Variants in PGR observed in about 807,000 individuals in gnomAD.
The protein encoded by PGR is nuclear receptor subfamily 3 group C member 3.
PGR carries 25 observed loss-of-function variants against 76.1 expected under a neutral mutation model. That is an observed-to-expected ratio of 0.33 (90% CI 0.24 to 0.46). PGR has a LOEUF of 0.46. Ranked by LOEUF, PGR falls within the 20% of genes least tolerant of loss-of-function variation. The pLI is 1.00. For synonymous variants in PGR, 579 were observed against 535.0 expected (o/e 1.08, Z -1.14); for missense variants, 1,172 against 1,225.3 (o/e 0.96, Z 0.65).
At chr11:101,100,919 T>A (rs1861978302) in intron 2 of PGR, among the ~76,000 whole-genome samples, 1 of 152,090 alleles carries the variant, frequency 6.6e-6, no homozygotes, top group Non-Finnish European at 1.5e-5. Flanking sequence ...AAACTCATGA[T>A]CCCCTTACTT....
chr11:101,061,022 G>C (rs571331970), intron 4 of PGR, among the ~76,000 whole-genome samples: 1 of 152,122 alleles, frequency 6.6e-6, no homozygotes, highest in African/African-American at 2.4e-5. Flanking sequence ...AAATAGTAAA[G>C]AACCTCCAAA....
At chr11:101,053,850 T>A (rs1204357220) in intron 4 of PGR, among the ~76,000 whole-genome samples, 1 of 151,884 alleles carries the variant, frequency 6.6e-6, no homozygotes, top group Admixed American at 6.6e-5. Context: ...GTGGGCAGAG[T>A]TCCCCATTGG....
intron 2 of PGR, among the ~76,000 whole-genome samples, chr11:101,117,388 A>G (rs1862544413): frequency 6.6e-6 from 1 of 152,088 alleles, no homozygotes; most frequent in Non-Finnish European, 1.5e-5. Flanking sequence ...GTATATGGGT[A>G]ATAATTTCCT....
rs779446565 is a variant in PGR, at chr11:101,128,080, C to T, written c.991G>A (p.Gly331Ser). The T allele has an allele frequency of 4.4e-6, 7 of 1,600,260 alleles. No individual in the cohort carries two copies. The highest frequency in any genetic ancestry group is 1.1e-5 in the South Asian group (1 of 91,072). ...AAGGCGCTGGCAGCCCCGGCCCCGC[C>T]GTCGTAACTTTCGTCTTCCAGCAGC... ...RQLLEDESYDGGAGAASAFAP... is the reference protein window; with the variant it reads ...RQLLEDESYDSGAGAASAFAP... Residue 331 changes from glycine to serine, a missense_variant, in exon 1 of 8, where the codon GGC (glycine) becomes AGC (serine). By Grantham distance (56) the Gly-to-Ser change is moderately conservative. Around this residue, in one of 4 missense-constraint regions of PGR, gnomAD observed 893 missense variants for 785.9 expected, o/e 1.14. Coordinates refer to ENST00000325455, the MANE Select transcript of PGR (RefSeq NM_000926.4).
chr11:101,110,118 G>T (rs1029604381), intron 2 of PGR, among the ~76,000 whole-genome samples: 6 of 152,210 alleles, frequency 3.9e-5, no homozygotes, highest in African/African-American at 1.4e-4. Context: ...TGTACAAGAA[G>T]GTTAATGTAT....
intron 6 of PGR, among the ~76,000 whole-genome samples, chr11:101,042,319 T>C (rs182479004): frequency 6.6e-6 from 1 of 152,156 alleles, no homozygotes; most frequent in Non-Finnish European, 1.5e-5. Context: ...TTAATAGGTA[T>C]ATTAAAGAAC....
chr11:101,070,253 C>T (rs1860880518), intron 3 of PGR, among the ~76,000 whole-genome samples: 1 of 152,134 alleles, frequency 6.6e-6, no homozygotes. Context: ...CCAAGGGAAG[C>T]CGTGAGTGAC....
chr11:101,112,067 G>T (rs911222824), intron 2 of PGR, among the ~76,000 whole-genome samples: 22 of 152,322 alleles, frequency 1.4e-4, no homozygotes, highest in African/African-American at 4.8e-4. Flanking sequence ...CTACCAATGA[G>T]TCAAGTAACA....
chr11:101,082,081 C>T (rs978307477), intron 3 of PGR, among the ~76,000 whole-genome samples: 6 of 152,074 alleles, frequency 3.9e-5, no homozygotes, highest in Non-Finnish European at 8.8e-5. Flanking sequence ...TGAGTGAGCT[C>T]TCAGGAGATA....
chr11:101,068,657 T>C (rs1860809019), intron 3 of PGR, among the ~76,000 whole-genome samples: 1 of 152,084 alleles, frequency 6.6e-6, no homozygotes, highest in African/African-American at 2.4e-5. Context: ...ATGGTACTGG[T>C]ACCCAAACAG....
At chr11:101,074,785 C>T (rs529650935) in intron 3 of PGR, among the ~76,000 whole-genome samples, 2 of 152,072 alleles carry the variant, frequency 1.3e-5, no homozygotes, top group Admixed American at 6.6e-5. Flanking sequence ...GTGAAGGACC[C>T]CTTCAAGGAG....
Position 101,042,004 on chromosome 11 carries a change from C to A in PGR, c.2587G>T (p.Val863Phe). 6.2e-7 allele frequency: 1 copy of A among 1,613,650 alleles called. No homozygotes were observed. The highest frequency in any genetic ancestry group is 8.5e-7 in the Non-Finnish European group (1 of 1,179,704). ...TAGAAACGCTGTGAGCTCGACACAA[C>A]TCCTTTTTGCCTCAAACCAATTGCC... Reference protein sequence around the residue: ...IKAIGLRQKGVVSSSQRFYQL... With the variant: ...IKAIGLRQKGFVSSSQRFYQL... The change falls in exon 7 of 8, where the codon GTT (valine) becomes TTT (phenylalanine). Residue 863 changes from valine (V) to phenylalanine (F), a missense_variant. By Grantham distance (50) the Val-to-Phe change is conservative. This residue lies in a region of PGR where 166 missense variants were observed against 296.0 expected (regional missense o/e 0.56). Transcript: ENST00000325455.
Position 101,126,108 on chromosome 11 carries a change from G to C in PGR, c.1688C>G (p.Pro563Arg), listed in dbSNP as rs750816206. 1 of 1,613,896 alleles carries C rather than the reference G, an allele frequency of 6.2e-7. No homozygotes were observed. Among genetic ancestry groups the C allele is most frequent in the East Asian group, 2.2e-5 (1 of 44,888 alleles). Residue 563 changes from proline (P) to arginine (R), a missense_variant, in exon 2 of 8, where the codon CCT becomes CGT. Transcript: ENST00000325455. ...QSPQYSFESLPQKICLICGDE... is the reference protein window; with the variant it reads ...QSPQYSFESLRQKICLICGDE... The stretch of plus-strand genomic sequence containing the variant: ...CCCACAGATTAAACAAATCTTCTGA[G>C]GTAATGACTCGAAGCTGTATTGTGG...
At chr11:101,066,768 C>T (rs1444431414) in intron 3 of PGR, among the ~76,000 whole-genome samples, 1 of 152,164 alleles carries the variant, frequency 6.6e-6, no homozygotes, top group Non-Finnish European at 1.5e-5. Context: ...ATTTTCTCAC[C>T]TCATATCTAA....
At chr11:101,103,005 T>A (rs922427018) in intron 2 of PGR, among the ~76,000 whole-genome samples, 1 of 151,796 alleles carries the variant, frequency 6.6e-6, no homozygotes, top group African/African-American at 2.4e-5. Context: ...GCTATGAGAA[T>A]CTAATGCCAC....
intron 3 of PGR, among the ~76,000 whole-genome samples, chr11:101,067,870 G>C (rs1157263549): frequency 1.3e-5 from 2 of 151,892 alleles, no homozygotes; most frequent in Non-Finnish European, 2.9e-5. Flanking sequence ...TTTCTATGGA[G>C]TAGAAAAAAA....
intron 2 of PGR, among the ~76,000 whole-genome samples, chr11:101,108,638 C>CT (rs1192999064): frequency 6.6e-6 from 1 of 152,164 alleles, no homozygotes; most frequent in Non-Finnish European, 1.5e-5. Flanking sequence ...TTTTTGGAGT[C>CT]TGCCAGAACT....
At chr11:101,099,075 G>T (rs1861920843) in intron 2 of PGR, among the ~76,000 whole-genome samples, 1 of 152,160 alleles carries the variant, frequency 6.6e-6, no homozygotes, top group Admixed American at 6.5e-5. Context: ...TATCTGTAGG[G>T]ACAGGTGTGT....
At chr11:101,120,246 G>A (rs1472022132) in intron 2 of PGR, among the ~76,000 whole-genome samples, 1 of 152,182 alleles carries the variant, frequency 6.6e-6, no homozygotes, top group Non-Finnish European at 1.5e-5. Context: ...GCATGTCAAA[G>A]ACAGGGTCTG....
Sources: gnomAD v4.1 joint callset for allele counts (sites outside exome capture counted in the v4.1 genomes callset) on GRCh38, gnomAD v4.1.1 for gene constraint, gnomAD v4.1.1 regional missense constraint, MANE v1.5 for transcripts, NCBI Gene and HGNC (gene_info 2026-07-23, HGNC 2026-07-21) for gene names.